The following EMP1 variants were observed in gnomAD, a reference collection of about 807,000 sequenced individuals.
EMP1 encodes the protein epithelial membrane protein 1, also known as tumor-associated membrane protein.
In EMP1, 5 loss-of-function variants were observed where a neutral mutation model predicts 15.7. That is an observed-to-expected ratio of 0.32 (90% CI 0.17 to 0.67). The LOEUF (loss-of-function observed/expected upper bound fraction) is 0.67, where lower values mean the gene tolerates loss of function less well. EMP1 is among the 30% of genes least tolerant of loss of function. The probability of loss-of-function intolerance (pLI) is 0.74; values close to 1 mark genes in which losing one functional copy is unlikely to be tolerated. For missense variants in EMP1, 166 were observed against 194.2 expected, an observed-to-expected ratio of 0.85 and a Z score of 0.86; for synonymous variants, 78 against 76.7, an observed-to-expected ratio of 1.02 and a Z score of -0.09.
intron 2 of EMP1, 163 bp from the exon 3 acceptor site, chr12:13,213,316 T>C (rs1395901152): frequency 3.0e-6 from 2 of 666,270 alleles, no homozygotes; most frequent in African/African-American, 3.6e-5. Flanking sequence ...ACTTCAGTTT[T>C]AATCGGACCT....
intron 1 of EMP1, among the ~76,000 whole-genome samples, chr12:13,210,290 G>T (rs1003420641): frequency 1.3e-5 from 2 of 152,192 alleles, no homozygotes; most frequent in African/African-American, 4.8e-5. Context: ...CTTGGTTGGG[G>T]CATCCACACA....
At position 13,217,504 on chromosome 12, in the gene EMP1, A is replaced by G. The variant is rs568425406; in HGVS notation, c.*2813A>G. ...TCTTGATGCTTTCTTAGAGGCCTAC[A>G]TGATTTCTTAGATTGCTCTGATAAA... On this transcript the variant is annotated 3_prime_UTR_variant, in exon 5 of 5. Coordinates refer to ENST00000256951, the MANE Select transcript of EMP1 (RefSeq NM_001423.3). 2.0e-5 allele frequency: 3 copies of G among 152,358 alleles called. No individual in the cohort carries two copies. Among genetic ancestry groups the G allele is most frequent in the African/African-American group, 4.8e-5 (2 of 41,590 alleles). The allele number at this position is 152,358 out of a possible 1,614,324, so 9.4% of individuals were successfully genotyped here. A position where few individuals can be genotyped will look rare whatever the true frequency, so the allele number is the denominator to read the frequency against.
In EMP1 at chr12:13,211,553, A is replaced by G. The variant is rs778481106; in HGVS notation, c.43A>G (p.Thr15Ala). The G allele has an allele frequency of 2.5e-6, 4 of 1,613,652 alleles. No individual in the cohort carries two copies. Among genetic ancestry groups the G allele is most frequent in the East Asian group, 2.2e-5 (1 of 44,878 alleles). The change falls in exon 2 of 5, where the codon ACT (threonine) becomes GCT (alanine). Residue 15 changes from threonine (T) to alanine (A), a missense_variant. Thr to Ala is a moderately conservative substitution (Grantham distance 58). Coordinates refer to ENST00000256951, the MANE Select transcript of EMP1 (RefSeq NM_001423.3). This position sits in a 1 kb window ranked among gnomAD's most constrained non-coding sequence, Gnocchi z 4.7. Reference protein sequence around the residue: ...LAGIFVVHIATVIMLFVSTIA... With the variant: ...LAGIFVVHIAAVIMLFVSTIA... ...TGGTATCTTTGTGGTCCACATCGCT[A>G]CTGTTATTATGCTATTTGTTAGCAC...
At chr12:13,203,594 GC>G (rs1280641795) in intron 1 of EMP1, among the ~76,000 whole-genome samples, 5 of 152,208 alleles carry the variant, frequency 3.3e-5, no homozygotes, top group Non-Finnish European at 2.9e-5. Context: ...CATTTCCCCG[GC>G]CCGAGCCTCT....
In EMP1 at chr12:13,216,276, C is replaced by A. The variant is rs1864214617; in HGVS notation, c.*1585C>A. On this transcript the variant is annotated 3_prime_UTR_variant, in exon 5 of 5. Transcript: ENST00000256951. ...TTTCTCCTCATCCATTTCTTTTATA[C>A]CTTTCCTTTTTGGGGAGTTGTTATG... 3.0e-6 allele frequency: 2 copies of A among 664,160 alleles called. No homozygotes were observed. Among genetic ancestry groups the A allele is most frequent in the South Asian group, 1.7e-5 (1 of 59,962 alleles). 41.1% of individuals were successfully genotyped at this position (664,160 alleles called of 1,614,324 possible).
rs966906489 is a variant in EMP1, at chr12:13,206,606, C to T, written c.-42-4863C>T. Among the ~76,000 whole-genome samples the T allele has an allele frequency of 6.6e-5, 10 of 152,196 alleles. 1 individual carries two copies. Among genetic ancestry groups the T allele is most frequent in the Admixed American group, 2.0e-4 (3 of 15,282 alleles). The stretch of plus-strand genomic sequence containing the variant: ...CCCAGTTATTGTGTTTTAGGTCACT[C>T]TTAAAGAATTGCTGCTGCCGCCAGG... On this transcript the variant is annotated intron_variant, in intron 1 of 4. Transcript: ENST00000256951.
Position 13,213,666 on chromosome 12 carries a change from G to A in EMP1, c.176-15G>A, listed in dbSNP as rs780281141. ...GTGACCTCATGCCCTTGTTCTCCTC[G>A]TCCTGTGTCTACAGATGCCCTCAAG... On this transcript the variant is annotated splice_polypyrimidine_tract_variant and intron_variant, in intron 3 of 4. Transcript: ENST00000256951. 38 of 1,613,906 alleles carry A rather than the reference G, an allele frequency of 2.4e-5. No homozygotes were observed. In the Admixed American group the frequency reaches 2.5e-4, roughly 11 times the overall value.
rs761924982 is a variant in EMP1, at chr12:13,214,737, C to T, written c.*46C>T. ...ATCTGGGGGGTGGGGAGGAGGAAGC[C>T]GTTGAATCTGGGAGGGAAGTGGAGG... On this transcript the variant is annotated 3_prime_UTR_variant, in exon 5 of 5. Transcript: ENST00000256951. The T allele has an allele frequency of 9.9e-6, 15 of 1,511,930 alleles. No homozygotes were observed. Among genetic ancestry groups the T allele is most frequent in the Admixed American group, 5.8e-5 (3 of 51,902 alleles). 93.7% of individuals were successfully genotyped at this position (1,511,930 alleles called of 1,614,324 possible).
At position 13,219,320 on chromosome 12, in the gene EMP1, C is replaced by T. The variant is rs1051883428; in HGVS notation, c.*4629C>T. 1.3e-5 allele frequency: 2 copies of T among 152,248 alleles called. No individual in the cohort carries two copies. Among genetic ancestry groups the T allele is most frequent in the African/African-American group, 2.4e-5 (1 of 41,440 alleles). The allele number at this position is 152,248 out of a possible 1,614,324, so 9.4% of individuals were successfully genotyped here. A position where few individuals can be genotyped will look rare whatever the true frequency, so the allele number is the denominator to read the frequency against. On this transcript the variant is annotated 3_prime_UTR_variant, in exon 5 of 5. Coordinates refer to ENST00000256951, the MANE Select transcript of EMP1 (RefSeq NM_001423.3). The stretch of plus-strand genomic sequence containing the variant: ...CTGATCTATTGGCAACTCCAGTTCC[C>T]AATAAGTTCCTCATCTCCTTCTGAG...
At chr12:13,207,847 G>A (rs138910729) in intron 1 of EMP1, among the ~76,000 whole-genome samples, 42 of 152,304 alleles carry the variant, frequency 2.8e-4, no homozygotes, top group African/African-American at 9.9e-4. Flanking sequence ...GAATTGATAA[G>A]CTCTGCTGGC....
At position 13,214,717 on chromosome 12, in the gene EMP1, G is replaced by C. The variant is rs375009495; in HGVS notation, c.*26G>C. 5.0e-6 allele frequency: 8 copies of C among 1,606,672 alleles called. No homozygotes were observed. In the Middle Eastern group the frequency reaches 6.7e-4, roughly 135 times the overall value. On this transcript the variant is annotated 3_prime_UTR_variant, in exon 5 of 5. Transcript: ENST00000256951. Reference sequence around the variant, plus strand: ...GGCCGGACGAGTTCATGGGGATCTGGGGGGTGGGGAGGAGGAAGCCGTTGA... The same window carrying C: ...GGCCGGACGAGTTCATGGGGATCTGCGGGGTGGGGAGGAGGAAGCCGTTGA...
At chr12:13,214,051 T>C in intron 4 of EMP1, 1 of 701,830 alleles carries the variant, frequency 1.4e-6, no homozygotes. Flanking sequence ...CAAGTGGCAG[T>C]GCATATCTGT....
chr12:13,214,301 C>T (rs1264544897), intron 4 of EMP1: 6 of 621,944 alleles, frequency 9.6e-6, no homozygotes, highest in Non-Finnish European at 1.7e-5. Context: ...TTTTACATCA[C>T]AGCGTGGCCA....
chr12:13,209,418 T>C (rs1377091910), intron 1 of EMP1: 1 of 152,168 alleles, frequency 6.6e-6, no homozygotes, highest in Non-Finnish European at 1.5e-5. Flanking sequence ...CCGAAAGGAT[T>C]GTATACACCC....
rs1342515983 is a variant in EMP1, at chr12:13,218,057, A to G, written c.*3366A>G. ...ATACTCTTAGGTGAAATTTGTGCAA[A>G]TTATGAGTATAAAGAGGGTGAGCTA... On this transcript the variant is annotated 3_prime_UTR_variant, in exon 5 of 5. Transcript: ENST00000256951. 3 of 152,350 alleles carry G rather than the reference A, an allele frequency of 2.0e-5. No individual in the cohort carries two copies. The East Asian group carries it at 5.8e-4, about 29-fold the overall frequency. The allele number at this position is 152,350 out of a possible 1,614,324, so 9.4% of individuals were successfully genotyped here.
chr12:13,206,930 TGTGTG>T (rs1280457439), intron 1 of EMP1, among the ~76,000 whole-genome samples: 2 of 1,896 alleles, frequency 1.1e-3, no homozygotes, highest in African/African-American at 1.2e-3. Flanking sequence ...CTTTCATTTG[TGTGTG>T]TGTGTGTGTG....
rs1269518230 is a variant in EMP1 at position 13,217,473 on chromosome 12, A to G, written c.*2782A>G. 3 of 152,238 alleles carry G rather than the reference A, an allele frequency of 2.0e-5. No individual in the cohort carries two copies. The highest frequency in any genetic ancestry group is 4.8e-5 in the African/African-American group (2 of 41,470). 9.4% of individuals were successfully genotyped at this position (152,238 alleles called of 1,614,324 possible). A position where few individuals can be genotyped will look rare whatever the true frequency, so the allele number is the denominator to read the frequency against. On this transcript the variant is annotated 3_prime_UTR_variant, in exon 5 of 5. Transcript: ENST00000256951. ...ATTTTAAGTCAATTAATCAAATTGC[A>G]TTGATTCTTGATGCTTTCTTAGAGG... is the stretch of plus-strand genomic sequence containing the variant.
intron 1 of EMP1, among the ~76,000 whole-genome samples, chr12:13,202,211 C>A (rs192311137): frequency 6.6e-6 from 1 of 152,192 alleles, no homozygotes; most frequent in African/African-American, 2.4e-5. Context: ...GGCAGTCCTT[C>A]GGTCAAAATT....
rs771449249 is a variant in EMP1 at position 13,213,796 on chromosome 12, C to G, written c.291C>G (p.Leu97=). Residue 97 remains leucine, a synonymous_variant, in exon 4 of 5, where the codon CTC becomes CTG. Coordinates refer to ENST00000256951, the MANE Select transcript of EMP1 (RefSeq NM_001423.3). ...FTMEKGNRFF[L]SGATTLVCWL... ...TGGAGAAGGGAAACCGGTTCTTCCT[C>G]TCAGGGGCCACCACACTGGTGTGCT... 6.2e-7 allele frequency: 1 copy of G among 1,614,022 alleles called. No homozygotes were observed. The highest frequency in any genetic ancestry group is 1.3e-5 in the African/African-American group (1 of 74,940).
Sources: gnomAD v4.1 joint callset for allele counts (sites outside exome capture counted in the v4.1 genomes callset) on GRCh38, gnomAD v4.1.1 for gene constraint, Gnocchi (gnomAD v3.1) non-coding constraint, MANE v1.5 for transcripts, NCBI Gene and HGNC (gene_info 2026-07-23, HGNC 2026-07-21) for gene names.